CHCHD3: variants seen among roughly 807,000 people sequenced by gnomAD.
The protein encoded by CHCHD3 is MICOS complex subunit MIC19.
CHCHD3 carries 20 observed loss-of-function variants against 38.2 expected under a neutral mutation model. The observed-to-expected ratio is 0.52, with a 90% confidence interval of 0.37 to 0.76. CHCHD3 has a LOEUF of 0.76. Ranked by LOEUF, CHCHD3 falls within the 30% of genes least tolerant of loss-of-function variation. The pLI is 0.00. For missense variants in CHCHD3, 245 were observed against 279.2 expected (o/e 0.88, Z 0.87); for synonymous variants, 82 against 100.0 (o/e 0.82, Z 1.07).
chr7:132,827,996 CT>C (rs1279415335), intron 6 of CHCHD3, among the ~76,000 whole-genome samples: 11 of 152,160 alleles, frequency 7.2e-5, no homozygotes, highest in African/African-American at 2.7e-4. Context: ...GGAATACTGT[CT>C]GTTTTGTTTC....
At chr7:133,081,726 A>T (rs1178662423) in intron 1 of CHCHD3, 131 bp downstream of exon 1, 1 of 828,468 alleles carries the variant, frequency 1.2e-6, no homozygotes, top group East Asian at 2.7e-5. Context: ...TTCTTCCCAG[A>T]CACCTGGGCT....
chr7:132,862,948 C>T (rs1386572687), intron 5 of CHCHD3, among the ~76,000 whole-genome samples: 3 of 152,184 alleles, frequency 2.0e-5, no homozygotes, highest in African/African-American at 7.2e-5. Context: ...AGTTCTGTTG[C>T]TATTTCCACC....
At chr7:132,913,251 T>C (rs1562905807) in intron 4 of CHCHD3, among the ~76,000 whole-genome samples, 2 of 152,230 alleles carry the variant, frequency 1.3e-5, no homozygotes, top group African/African-American at 4.8e-5. Context: ...GTACTATCAA[T>C]GATGAACCAA....
At chr7:133,006,664 A>C (rs1461974798) in intron 3 of CHCHD3, among the ~76,000 whole-genome samples, 1 of 152,094 alleles carries the variant, frequency 6.6e-6, no homozygotes, top group Non-Finnish European at 1.5e-5. Flanking sequence ...CAATTTCTTG[A>C]GGGCAATTTG....
intron 4 of CHCHD3, among the ~76,000 whole-genome samples, chr7:132,891,664 C>T (rs1809364368): frequency 6.6e-6 from 1 of 152,196 alleles, no homozygotes; most frequent in Admixed American, 6.5e-5. Context: ...CCTTTGCCAC[C>T]TTGGGGTATG....
At chr7:132,978,878 C>G (rs899363213) in intron 3 of CHCHD3, among the ~76,000 whole-genome samples, 1 of 152,134 alleles carries the variant, frequency 6.6e-6, no homozygotes, top group African/African-American at 2.4e-5. Context: ...TTTCATTCAT[C>G]CTTACAAATA....
chr7:132,995,327 C>T (rs1434528068), intron 3 of CHCHD3, among the ~76,000 whole-genome samples: 1 of 152,172 alleles, frequency 6.6e-6, no homozygotes, highest in Non-Finnish European at 1.5e-5. Context: ...GCCATCACTA[C>T]TATCAAGGCC....
intron 4 of CHCHD3, among the ~76,000 whole-genome samples, chr7:132,917,178 A>C (rs1344668115): frequency 1.3e-5 from 2 of 152,208 alleles, no homozygotes; most frequent in Admixed American, 1.3e-4. Flanking sequence ...TCTGGACAGA[A>C]TCTAAAACTG....
chr7:132,807,649 G>A (rs548269285), intron 6 of CHCHD3, among the ~76,000 whole-genome samples: 1,513 of 96,318 alleles, frequency 0.016, 35 homozygotes, highest in African/African-American at 0.05. Context: ...ATATATACTT[G>A]ACATAAATAC....
chr7:132,795,801 A>G (rs1213421461), intron 7 of CHCHD3, among the ~76,000 whole-genome samples: 4 of 152,244 alleles, frequency 2.6e-5, no homozygotes, highest in Non-Finnish European at 5.9e-5. Context: ...AATTTGCTTC[A>G]GGGTTTATCA....
chr7:132,868,682 A>T (rs1281201774), intron 5 of CHCHD3, among the ~76,000 whole-genome samples: 1 of 152,128 alleles, frequency 6.6e-6, no homozygotes, highest in Non-Finnish European at 1.5e-5. Flanking sequence ...TGATATAAAC[A>T]TCCCAATGTC....
At chr7:132,860,773 C>T (rs921692313) in intron 5 of CHCHD3, among the ~76,000 whole-genome samples, 2 of 152,032 alleles carry the variant, frequency 1.3e-5, no homozygotes, top group African/African-American at 4.8e-5. Flanking sequence ...ATTACAGGTG[C>T]ATGCCACACC....
chr7:133,007,447 T>G (rs1283781275), intron 3 of CHCHD3, among the ~76,000 whole-genome samples: 1 of 152,200 alleles, frequency 6.6e-6, no homozygotes, highest in African/African-American at 2.4e-5. Context: ...TACCTTTACT[T>G]ATAAGCTAGC....
chr7:133,010,007 A>C (rs1160930873), intron 3 of CHCHD3, among the ~76,000 whole-genome samples: 1 of 134,090 alleles, frequency 7.5e-6, no homozygotes, highest in Non-Finnish European at 1.7e-5. Flanking sequence ...TGCAGTCCTC[A>C]TATCAGAAAA....
chr7:133,017,073 C>T lies in CHCHD3; in HGVS notation c.251+7473G>A, dbSNP rs560157137. Among the ~76,000 whole-genome samples the T allele has an allele frequency of 3.2e-3, 493 of 152,250 alleles. 3 individuals carry two copies. The South Asian group carries it at 0.037, about 12-fold the overall frequency. ...TTGACCAAAGTTTTCTTGAAGAAAG[C>T]CCCAGTTAGCACAAGGGCCTGGGTC... On this transcript the variant is annotated intron_variant, in intron 3 of 7. Coordinates refer to ENST00000262570, the MANE Select transcript of CHCHD3 (RefSeq NM_017812.4).
At chr7:133,012,349 T>A (rs895278313) in intron 3 of CHCHD3, among the ~76,000 whole-genome samples, 2 of 152,236 alleles carry the variant, frequency 1.3e-5, no homozygotes, top group Admixed American at 6.5e-5. Flanking sequence ...CAAAACATAG[T>A]CATGTGAGTT....
rs541560800 is a variant in CHCHD3 at position 132,816,127 on chromosome 7, T to C, written c.525-19550A>G. On this transcript the variant is annotated intron_variant, in intron 6 of 7. Coordinates refer to ENST00000262570, the MANE Select transcript of CHCHD3 (RefSeq NM_017812.4). ...GTTCAGACTGGGCATTTTGTCAAGT[T>C]GAAATTCATGAGAAGCCTGGCTCTC... Among the ~76,000 whole-genome samples, 10 of 152,340 alleles carry C rather than the reference T, an allele frequency of 6.6e-5. No individual in the cohort carries two copies. The South Asian group carries it at 1.7e-3, about 25-fold the overall frequency.
At chr7:133,029,518 C>T (rs1346741099) in intron 2 of CHCHD3, among the ~76,000 whole-genome samples, 1 of 152,142 alleles carries the variant, frequency 6.6e-6, no homozygotes, top group Non-Finnish European at 1.5e-5. Context: ...TGGCTTATTT[C>T]ACTTGGCACA....
chr7:133,060,456 G>A (rs1385119748), intron 2 of CHCHD3, among the ~76,000 whole-genome samples: 4 of 152,306 alleles, frequency 2.6e-5, no homozygotes, highest in Non-Finnish European at 5.9e-5. Context: ...CACCAGGACT[G>A]GGTGTCATTA....
Sources: allele counts gnomAD v4.1 joint callset (sites outside exome capture counted in the v4.1 genomes callset), GRCh38; gene constraint gnomAD v4.1.1; transcripts MANE v1.5; gene names NCBI Gene and HGNC (gene_info 2026-07-23, HGNC 2026-07-21).